Variants in ZBTB7C observed in about 807,000 individuals in gnomAD.
The protein encoded by ZBTB7C is zinc finger and BTB domain containing 7C, also known as zinc finger and BTB domain-containing protein 7C.
In ZBTB7C, 8 loss-of-function variants were observed where a neutral mutation model predicts 25.7. That is an observed-to-expected ratio of 0.31 (90% CI 0.18 to 0.56). The LOEUF is 0.56. ZBTB7C is among the 20% of genes least tolerant of loss of function. The pLI, the probability that ZBTB7C is intolerant of heterozygous loss-of-function variation, is 0.91. For synonymous variants in ZBTB7C, 394 were observed against 369.0 expected, an observed-to-expected ratio of 1.07 and a Z score of -0.78; for missense variants, 824 against 855.2, an observed-to-expected ratio of 0.96 and a Z score of 0.46.
At chr18:48,036,105 C>T (rs548709027) in intron 4 of ZBTB7C, among the ~76,000 whole-genome samples, 46 of 152,376 alleles carry the variant, frequency 3.0e-4, no homozygotes, top group African/African-American at 1.0e-3. Context: ...GCCGTTGAGG[C>T]CCTGCCTAGG....
intron 1 of ZBTB7C, among the ~76,000 whole-genome samples, chr18:48,342,039 G>A (rs111236921): frequency 0.015 from 2,354 of 152,330 alleles, 31 homozygotes; most frequent in Middle Eastern, 0.034. Flanking sequence ...TGCAGAAACT[G>A]GATAGGGGCT....
chr18:48,294,075 C>T (rs891361079), intron 2 of ZBTB7C, among the ~76,000 whole-genome samples: 1 of 152,234 alleles, frequency 6.6e-6, no homozygotes, highest in African/African-American at 2.4e-5. Context: ...GTGTTTACCT[C>T]CCTGGGGAAG....
intron 1 of ZBTB7C, among the ~76,000 whole-genome samples, chr18:48,400,277 A>G (rs2048126880): frequency 6.6e-6 from 1 of 152,080 alleles, no homozygotes; most frequent in African/African-American, 2.4e-5. Context: ...TTTCTCTCCA[A>G]GCTCTACCGC....
intron 1 of ZBTB7C, among the ~76,000 whole-genome samples, chr18:48,351,105 C>A (rs769606468): frequency 6.6e-5 from 10 of 152,114 alleles, no homozygotes; most frequent in Admixed American, 2.6e-4. Flanking sequence ...TCCCCAGCTA[C>A]TGCTGAATGG....
At chr18:48,299,909 A>T (rs1253004100) in intron 2 of ZBTB7C, among the ~76,000 whole-genome samples, 1 of 152,250 alleles carries the variant, frequency 6.6e-6, no homozygotes, top group East Asian at 1.9e-4. Flanking sequence ...TATGAAAAAC[A>T]GATAGTATAA....
At chr18:48,362,285 A>G (rs1192454234) in intron 1 of ZBTB7C, among the ~76,000 whole-genome samples, 1 of 152,184 alleles carries the variant, frequency 6.6e-6, no homozygotes, top group Non-Finnish European at 1.5e-5. Context: ...ACATGGTTTC[A>G]TGCTTCCCAT....
At chr18:48,084,974 C>T (rs1483893195) in intron 3 of ZBTB7C, among the ~76,000 whole-genome samples, 2 of 152,174 alleles carry the variant, frequency 1.3e-5, no homozygotes, top group African/African-American at 4.8e-5. Flanking sequence ...AACCTTCATT[C>T]CTTTGGGGCA....
At chr18:48,294,511 C>T (rs1387133640) in intron 2 of ZBTB7C, among the ~76,000 whole-genome samples, 1 of 152,156 alleles carries the variant, frequency 6.6e-6, no homozygotes, top group African/African-American at 2.4e-5. Flanking sequence ...CCCAGCTGTC[C>T]CTGCCGCTCC....
chr18:48,215,943 T>A (rs2042812631), intron 2 of ZBTB7C, among the ~76,000 whole-genome samples: 1 of 152,256 alleles, frequency 6.6e-6, no homozygotes, highest in African/African-American at 2.4e-5. Context: ...GTCAGGTTGT[T>A]ATCTTAATGG....
chr18:48,117,343 G>C (rs1317290632), intron 3 of ZBTB7C, among the ~76,000 whole-genome samples: 2 of 152,346 alleles, frequency 1.3e-5, no homozygotes, highest in Non-Finnish European at 2.9e-5. Context: ...AATAAATGCT[G>C]AACTGAGAGA....
intron 3 of ZBTB7C, among the ~76,000 whole-genome samples, chr18:48,097,009 G>A (rs6507804): frequency 0.4 from 60,537 of 152,140 alleles, 15,867 homozygotes; most frequent in African/African-American, 0.75. Context: ...TATGGTCGCA[G>A]ATACATGGAA....
intron 1 of ZBTB7C, among the ~76,000 whole-genome samples, chr18:48,378,684 GAAAAAAAACTTA>G (rs949783091): frequency 1.3e-5 from 2 of 151,560 alleles, no homozygotes; most frequent in Non-Finnish European, 2.9e-5. Context: ...ACTGCAGGAA[GAAAAAAAACTTA>G]AAAAAAATTA....
chr18:48,149,193 TGTGTGTGCACGC>T (rs1462688679), intron 3 of ZBTB7C: 2 of 140,366 alleles, frequency 1.4e-5, no homozygotes, highest in East Asian at 3.9e-4. Flanking sequence ...TGTGCGCACG[TGTGTGTGCACGC>T]GTGTGTGTAT....
At chr18:48,379,435 A>G (rs1004239849) in intron 1 of ZBTB7C, among the ~76,000 whole-genome samples, 1 of 152,222 alleles carries the variant, frequency 6.6e-6, no homozygotes, top group African/African-American at 2.4e-5. Flanking sequence ...AATCAGGAAG[A>G]ACCAATATCT....
intron 2 of ZBTB7C, among the ~76,000 whole-genome samples, chr18:48,310,041 AAC>A (rs1224575046): frequency 6.6e-6 from 1 of 152,116 alleles, no homozygotes; most frequent in African/African-American, 2.4e-5. Flanking sequence ...CATCCTGGCT[AAC>A]ACAGTGAAAC....
intron 2 of ZBTB7C, among the ~76,000 whole-genome samples, chr18:48,335,918 A>G (rs2046447952): frequency 6.6e-6 from 1 of 152,314 alleles, no homozygotes; most frequent in Admixed American, 6.5e-5. Context: ...CCACATTTAA[A>G]ATGACACACG....
At chr18:48,368,247 A>AC (rs1260166872) in intron 1 of ZBTB7C, among the ~76,000 whole-genome samples, 15 of 151,826 alleles carry the variant, frequency 9.9e-5, no homozygotes, top group Non-Finnish European at 2.1e-4. Flanking sequence ...CCTAGCAAAA[A>AC]AAAAAAAAAA....
Position 48,039,897 on chromosome 18 carries a change from C to T in ZBTB7C, c.1208+3G>A, listed in dbSNP as rs2036141152. The T allele has an allele frequency of 1.2e-6, 2 of 1,610,958 alleles. No homozygotes were observed. The highest frequency in any genetic ancestry group is 1.7e-6 in the Non-Finnish European group (2 of 1,179,986). On this transcript the variant is annotated splice_donor_region_variant and intron_variant, in intron 4 of 4. Transcript: ENST00000590800. ...CCCCACACCCGAGGGCTGCCATGCGCACCTGGTGAAGCGGACCTCGCAGAT... is the reference window on the plus strand; with the variant it reads ...CCCCACACCCGAGGGCTGCCATGCGTACCTGGTGAAGCGGACCTCGCAGAT...
In ZBTB7C at chr18:48,304,046, C is replaced by T. The variant is rs138211866; in HGVS notation, c.-79+34128G>A. On this transcript the variant is annotated intron_variant, in intron 2 of 4. Transcript: ENST00000590800. ...GATGAAGACCTTGCAGCGACCAGCC[C>T]AGGGTCCCCTGGCAAGTGGGTGACA... Among the ~76,000 whole-genome samples, 537 of 152,262 alleles carry T rather than the reference C, an allele frequency of 3.5e-3. 3 individuals carry two copies. The highest frequency in any genetic ancestry group is 0.02 in the Middle Eastern group (6 of 294).
Sources: allele counts gnomAD v4.1 joint callset (sites outside exome capture counted in the v4.1 genomes callset), GRCh38; gene constraint gnomAD v4.1.1; transcripts MANE v1.5; gene names NCBI Gene and HGNC (gene_info 2026-07-23, HGNC 2026-07-21).